CD5L: variants seen among roughly 807,000 people sequenced by gnomAD.
CD5L encodes the protein CD5 molecule like, also known as CD5 antigen-like.
CD5L carries 39 observed loss-of-function variants against 40.8 expected under a neutral mutation model. The ratio of observed to expected loss-of-function variants is 0.96; its 90% CI spans 0.74 to 1.25. The LOEUF (loss-of-function observed/expected upper bound fraction) is 1.25. Among genes scored for constraint, CD5L ranks in the 50% most tolerant of loss-of-function variants. The pLI is 0.00. For missense variants in CD5L, 433 were observed against 435.9 expected (o/e 0.99, Z 0.06); for synonymous variants, 192 against 169.6 (o/e 1.13, Z -1.03).
Position 157,834,545 on chromosome 1 carries a change from GC to G in CD5L, c.579del (p.Lys193AsnfsTer11). On this transcript the variant is annotated frameshift_variant, in exon 4 of 6. Transcript: ENST00000368174. LOFTEE classifies it high-confidence loss of function. Reference protein sequence around the residue: ...RAVLTQKRCNKHAYGRKPIWL... With the variant: ...RAVLTQKRCNXHAYGRKPIWL... ...CAGATGGGTTTTCGGCCATAGGCAT[GC>G]TTGTTGCAGCGTTTTTGAGTCAGTA... 6.2e-7 allele frequency: 1 copy of G among 1,614,192 alleles called. No individual in the cohort carries two copies. The highest frequency in any genetic ancestry group is 2.2e-5 in the East Asian group (1 of 44,876).
In CD5L at chr1:157,837,028, A is replaced by G. The variant is rs575821368; in HGVS notation, c.56-873T>C. Among the ~76,000 whole-genome samples the G allele has an allele frequency of 8.6e-4, 131 of 152,260 alleles. 1 individual carries two copies. The highest frequency in any genetic ancestry group is 3.1e-3 in the African/African-American group (127 of 41,536). On this transcript the variant is annotated intron_variant, in intron 2 of 5. Transcript: ENST00000368174. ...TCTTAGCACTTTGGGAGGCTGAGGC[A>G]AGTGAATTTCTTGAGGTCAAGAGTT...
rs1268418869 is a variant in CD5L, at chr1:157,831,937, G to T, written c.*27C>A. ...CAAGCAGAGGGCAGGCGGGGCCAGG[G>T]GGGCCAGGTCAAGCAACACCAGGAT... On this transcript the variant is annotated 3_prime_UTR_variant, in exon 6 of 6. Coordinates refer to ENST00000368174, the MANE Select transcript of CD5L (RefSeq NM_005894.3). 2 of 1,573,030 alleles carry T rather than the reference G, an allele frequency of 1.3e-6. No homozygotes were observed. Among genetic ancestry groups the T allele is most frequent in the East Asian group, 4.7e-5 (2 of 42,936 alleles).
chr1:157,829,420 T>A (rs370712033), downstream of CD5L, among the ~76,000 whole-genome samples: 149 of 152,352 alleles, frequency 9.8e-4, 2 homozygotes, highest in South Asian at 0.03. Context: ...CTATCTTCTA[T>A]AACCCACCTT....
chr1:157,835,734 A>G (rs1445513077), intron 3 of CD5L, 101 bp downstream of exon 3: 11 of 935,130 alleles, frequency 1.2e-5, no homozygotes, highest in Non-Finnish European at 1.8e-5. Context: ...GGGGCCAATT[A>G]GCCATTGTGT....
intron 2 of CD5L, among the ~76,000 whole-genome samples, chr1:157,836,737 T>C (rs532080118): frequency 1.1e-3 from 169 of 152,304 alleles, no homozygotes; most frequent in Non-Finnish European, 2.5e-4. Flanking sequence ...CAGTGGCCAA[T>C]CCATGCCCAT....
downstream of CD5L, among the ~76,000 whole-genome samples, chr1:157,830,192 A>G (rs1000330077): frequency 5.9e-5 from 9 of 152,222 alleles, no homozygotes; most frequent in African/African-American, 1.9e-4. Context: ...TTTGTCTCAC[A>G]TTTCATATCT....
downstream of CD5L, among the ~76,000 whole-genome samples, chr1:157,827,266 GTAT>G (rs1655924438): frequency 2.1e-5 from 2 of 95,492 alleles, no homozygotes; most frequent in African/African-American, 7.7e-5. Flanking sequence ...GACAAATGGT[GTAT>G]GTGTGTGTGT....
At chr1:157,827,756 A>G (rs910984469), downstream of CD5L, among the ~76,000 whole-genome samples, 4 of 152,216 alleles carry the variant, frequency 2.6e-5, no homozygotes, top group East Asian at 1.9e-4. Flanking sequence ...TGAAATTAAC[A>G]TATAGAATTA....
At chr1:157,834,248 A>G (rs1162351281) in intron 4 of CD5L, among the ~76,000 whole-genome samples, 159 bp downstream of exon 4, 1 of 152,224 alleles carries the variant, frequency 6.6e-6, no homozygotes, top group African/African-American at 2.4e-5. Flanking sequence ...GGGTATTATT[A>G]TCTCCATTTG....
In CD5L at chr1:157,831,440, GA is replaced by G. The variant is rs75445239; in HGVS notation, c.*523del. On this transcript the variant is annotated 3_prime_UTR_variant, in exon 6 of 6. Transcript: ENST00000368174. ...CTATTGTGGTCACCTGAAGCTTGAG[GA>G]AAAAAAAAAAAAGTAGTCCAATCAA... The G allele has an allele frequency of 0.076, 43,293 of 567,252 alleles. 2 individuals carry two copies. Among genetic ancestry groups the G allele is most frequent in the Non-Finnish European group, 0.086 (38,907 of 453,920 alleles). The allele number at this position is 567,252 out of a possible 1,614,324, so 35.1% of individuals were successfully genotyped here. A position where few individuals can be genotyped will look rare whatever the true frequency, so the allele number is the denominator to read the frequency against.
chr1:157,838,059 A>T (rs928082508), intron 2 of CD5L, among the ~76,000 whole-genome samples: 2 of 152,114 alleles, frequency 1.3e-5, no homozygotes, highest in African/African-American at 4.8e-5. Context: ...TACAGGTGTG[A>T]GCCACCACGC....
chr1:157,830,415 C>T (rs539201345), downstream of CD5L, among the ~76,000 whole-genome samples: 1 of 152,264 alleles, frequency 6.6e-6, no homozygotes, highest in East Asian at 1.9e-4. Flanking sequence ...AATGAATCCT[C>T]TAGGACAGGC....
chr1:157,837,272 A>G (rs1656243419), intron 2 of CD5L, among the ~76,000 whole-genome samples: 1 of 152,150 alleles, frequency 6.6e-6, no homozygotes, highest in African/African-American at 2.4e-5. Flanking sequence ...CCTTCCACCA[A>G]GACATGCAAG....
intron 3 of CD5L, among the ~76,000 whole-genome samples, 198 bp from the exon 4 acceptor site, chr1:157,834,946 C>T (rs1480670222): frequency 1.3e-5 from 2 of 152,194 alleles, no homozygotes; most frequent in African/African-American, 2.4e-5. Flanking sequence ...AAATTCAAAG[C>T]TGAATCATTA....
downstream of CD5L, among the ~76,000 whole-genome samples, chr1:157,827,263 GGTGTAT>G (rs1167210378): frequency 2.6e-3 from 306 of 117,084 alleles, 1 homozygote; most frequent in African/African-American, 6.2e-3. Context: ...CAGGACAAAT[GGTGTAT>G]GTGTGTGTGT....
rs755844744 is a variant in CD5L at position 157,834,658 on chromosome 1, T to C, written c.467A>G (p.Gln156Arg). 1 of 1,614,220 alleles carries C rather than the reference T, an allele frequency of 6.2e-7. No homozygotes were observed. The highest frequency in any genetic ancestry group is 1.7e-5 in the Admixed American group (1 of 60,036). ...HCKGRVEVKH[Q>R]NQWYTVCQTG... ...CTGGCACACGGTATACCACTGGTTC[T>C]GGTGCTTCACTTCCACGCGTCCCTT... Residue 156 changes from glutamine (Q) to arginine (R), a missense_variant, in exon 4 of 6, where the codon CAG (glutamine) becomes CGG (arginine). Coordinates refer to ENST00000368174, the MANE Select transcript of CD5L (RefSeq NM_005894.3).
At chr1:157,830,265 C>A (rs1198541682), downstream of CD5L, among the ~76,000 whole-genome samples, 1 of 152,180 alleles carries the variant, frequency 6.6e-6, no homozygotes, top group African/African-American at 2.4e-5. Flanking sequence ...AGTTTGTCAG[C>A]AAATAGTATC....
chr1:157,832,538 C>T (rs1311541903), intron 5 of CD5L, among the ~76,000 whole-genome samples: 4 of 152,148 alleles, frequency 2.6e-5, no homozygotes, highest in African/African-American at 9.7e-5. Context: ...ATTTTCTAAC[C>T]CAAATTGGGA....
chr1:157,839,249 G>T, intron 2 of CD5L, 135 bp downstream of exon 2: 1 of 824,320 alleles, frequency 1.2e-6, no homozygotes. Flanking sequence ...AAGACTGAGT[G>T]GGTGAGGTAG....
Sources: allele counts gnomAD v4.1 joint callset (sites outside exome capture counted in the v4.1 genomes callset), GRCh38; gene constraint gnomAD v4.1.1; transcripts MANE v1.5; gene names NCBI Gene and HGNC (gene_info 2026-07-23, HGNC 2026-07-21).